Variants in LARGE1 observed in about 807,000 individuals in gnomAD.
The protein encoded by LARGE1 is LARGE xylosyl- and glucuronyltransferase 1.
LARGE1 carries 43 observed loss-of-function variants against 87.6 expected under a neutral mutation model. The ratio of observed to expected loss-of-function variants is 0.49; its 90% CI spans 0.38 to 0.63. LARGE1 has a LOEUF of 0.63. Among genes scored for constraint, LARGE1 ranks in the 30% least tolerant of loss-of-function variants. The probability of loss-of-function intolerance (pLI) is 0.00; values close to 1 mark genes in which losing one functional copy is unlikely to be tolerated. For missense variants in LARGE1, 802 were observed against 1,000.2 expected (o/e 0.80, Z 2.67); for synonymous variants, 434 against 394.6 (o/e 1.10, Z -1.18).
intron 1 of LARGE1, among the ~76,000 whole-genome samples, chr22:33,799,769 T>G (rs868857353): frequency 1.3e-5 from 2 of 152,260 alleles, no homozygotes; most frequent in Middle Eastern, 3.4e-3. Context: ...CAAGAGTGAC[T>G]GAAAACGGAG....
chr22:33,145,165 C>T, the LARGE1 span, among the ~76,000 whole-genome samples: 1 of 152,044 alleles, frequency 6.6e-6, no homozygotes, highest in Admixed American at 6.6e-5. Context: ...AATACAAAAA[C>T]ATATGATTCT....
At chr22:33,903,949 T>C (rs2065360109) in intron 1 of LARGE1, among the ~76,000 whole-genome samples, 2 of 152,132 alleles carry the variant, frequency 1.3e-5, no homozygotes, top group Non-Finnish European at 2.9e-5. Context: ...CTGGCGCTGG[T>C]AGGGGAAGTA....
chr22:33,332,523 C>T (rs1937860661), intron 10 of LARGE1, among the ~76,000 whole-genome samples: 1 of 152,152 alleles, frequency 6.6e-6, no homozygotes, highest in Non-Finnish European at 1.5e-5. Context: ...TAGACACTGC[C>T]ATCAGAGCCT....
At chr22:33,361,724 C>CAGAGTCCCTCCTCTTT (rs142351828) in intron 9 of LARGE1, among the ~76,000 whole-genome samples, 94,623 of 138,166 alleles carry the variant, frequency 0.68, 35,135 homozygotes, top group East Asian at 0.79. Context: ...CCAACTGGCT[C>CAGAGTCCCTCCTCTTT]AGAGTCCCTC....
chr22:33,239,654 T>C (rs1005200461), intron 11 of LARGE1, among the ~76,000 whole-genome samples: 1 of 146,768 alleles, frequency 6.8e-6, no homozygotes, highest in Admixed American at 6.9e-5. Flanking sequence ...TTCTCCTGCC[T>C]CGGCCTCCCG....
In LARGE1 at chr22:33,404,030, A is replaced by C. The variant is rs572792110; in HGVS notation, c.893-19726T>G. ...GAACCCATCTGAAAATAGAAATCAT[A>C]GTCCTCGGGAAGCCTATGTGCTAAC... On this transcript the variant is annotated intron_variant, in intron 7 of 14. Coordinates refer to ENST00000397394, the MANE Select transcript of LARGE1 (RefSeq NM_133642.5). Among the ~76,000 whole-genome samples, 7 of 152,354 alleles carry C rather than the reference A, an allele frequency of 4.6e-5. No individual in the cohort carries two copies. In the East Asian group the frequency reaches 1.4e-3, roughly 29 times the overall value.
chr22:33,912,141 T>A (rs1427020438), intron 1 of LARGE1, among the ~76,000 whole-genome samples: 1 of 152,218 alleles, frequency 6.6e-6, no homozygotes, highest in East Asian at 1.9e-4. Context: ...AGATGAGAGC[T>A]GACATCAGTC....
At chr22:33,242,497 T>C (rs1373736391) in intron 11 of LARGE1, among the ~76,000 whole-genome samples, 3 of 152,184 alleles carry the variant, frequency 2.0e-5, no homozygotes, top group Non-Finnish European at 4.4e-5. Flanking sequence ...TAAAGCTATT[T>C]TATACAATTT....
At chr22:33,403,998 T>C (rs996215651) in intron 7 of LARGE1, among the ~76,000 whole-genome samples, 14 of 152,204 alleles carry the variant, frequency 9.2e-5, no homozygotes, top group Non-Finnish European at 2.1e-4. Flanking sequence ...AAGTCTCCTA[T>C]GTACCAGAAC....
intron 7 of LARGE1, among the ~76,000 whole-genome samples, chr22:33,384,713 A>G (rs2147139779): frequency 6.7e-6 from 1 of 148,752 alleles, no homozygotes; most frequent in East Asian, 1.9e-4. Context: ...AATGGACTTC[A>G]TGCCGCTCAA....
At chr22:33,619,746 A>G (rs2079688690) in intron 4 of LARGE1, among the ~76,000 whole-genome samples, 1 of 152,120 alleles carries the variant, frequency 6.6e-6, no homozygotes, top group East Asian at 1.9e-4. Flanking sequence ...TAAAATGGAC[A>G]TCATAATAGT....
At chr22:33,863,725 G>A (rs748816915) in intron 1 of LARGE1, among the ~76,000 whole-genome samples, 13 of 151,348 alleles carry the variant, frequency 8.6e-5, no homozygotes, top group East Asian at 5.8e-4. Context: ...CCGACATTGC[G>A]CCATTGCACT....
intron 11 of LARGE1, among the ~76,000 whole-genome samples, chr22:33,183,951 T>A (rs1473453677): frequency 6.6e-6 from 1 of 151,782 alleles, no homozygotes; most frequent in African/African-American, 2.4e-5. Context: ...TGACTATAGT[T>A]AATGATGCTG....
rs574187101 is a variant in LARGE1, at chr22:33,328,125, G to A, written c.1287+9521C>T. Among the ~76,000 whole-genome samples the A allele has an allele frequency of 6.8e-4, 104 of 152,330 alleles. 2 individuals are homozygous for A. In the South Asian group the frequency reaches 0.02, roughly 30 times the overall value. ...GAGAAAAATGAAGGAGCCCTGGAGA[G>A]AGGGAGTGCTGGGGTATGGGACAGG... On this transcript the variant is annotated intron_variant, in intron 10 of 14. Coordinates refer to ENST00000397394, the MANE Select transcript of LARGE1 (RefSeq NM_133642.5).
At chr22:33,789,999 A>T (rs369712202) in intron 1 of LARGE1, among the ~76,000 whole-genome samples, 3 of 152,080 alleles carry the variant, frequency 2.0e-5, no homozygotes, top group African/African-American at 7.2e-5. Flanking sequence ...AGAACACGAG[A>T]TTTGGGAGGG....
At chr22:33,363,499 C>T (rs961333169) in intron 9 of LARGE1, among the ~76,000 whole-genome samples, 2 of 149,188 alleles carry the variant, frequency 1.3e-5, no homozygotes, top group African/African-American at 4.9e-5. Context: ...GAAAATCACC[C>T]CCGTGATTCA....
intron 2 of LARGE1, among the ~76,000 whole-genome samples, chr22:33,680,582 TG>T (rs1422834441): frequency 6.6e-6 from 1 of 152,150 alleles, no homozygotes; most frequent in Non-Finnish European, 1.5e-5. Context: ...GGGAAGGTCG[TG>T]AAAAACAACC....
At chr22:33,661,599 A>G (rs1603035120) in intron 2 of LARGE1, among the ~76,000 whole-genome samples, 1 of 152,182 alleles carries the variant, frequency 6.6e-6, no homozygotes, top group Non-Finnish European at 1.5e-5. Flanking sequence ...TTCAATGGCA[A>G]ACAGCAGCTA....
At chr22:33,749,746 T>C (rs1471230135) in intron 2 of LARGE1, among the ~76,000 whole-genome samples, 3 of 152,224 alleles carry the variant, frequency 2.0e-5, no homozygotes, top group Non-Finnish European at 2.9e-5. Flanking sequence ...AGAATCCTGC[T>C]AGCCACAGAA....
Sources: gnomAD v4.1 joint callset for allele counts (sites outside exome capture counted in the v4.1 genomes callset) on GRCh38, gnomAD v4.1.1 for gene constraint, MANE v1.5 for transcripts, NCBI Gene and HGNC (gene_info 2026-07-23, HGNC 2026-07-21) for gene names.